Variants in IL7 observed in about 807,000 individuals in gnomAD.
IL7 encodes the protein interleukin 7, also known as interleukin-7.
IL7 carries 3 observed loss-of-function variants against 21.6 expected under a neutral mutation model. The ratio of observed to expected loss-of-function variants is 0.14; its 90% CI spans 0.06 to 0.36. The LOEUF is 0.36. IL7 is among the 10% of genes least tolerant of loss of function. The pLI is 1.00. For missense variants in IL7, 175 were observed against 200.2 expected, an observed-to-expected ratio of 0.87 and a Z score of 0.76; for synonymous variants, 62 against 68.1, an observed-to-expected ratio of 0.91 and a Z score of 0.44.
Position 78,694,049 on chromosome 8 carries a change from G to T in IL7, n.215-8102C>A, listed in dbSNP as rs947372399. 8.5e-5 allele frequency among the ~76,000 whole-genome samples: 13 copies of T among 152,260 alleles called. No homozygotes were observed. In the South Asian group the frequency reaches 2.7e-3, roughly 32 times the overall value. ...TCAAAGATCAGATAGTTGTAGATGT[G>T]TGACATTATTTCTGAGTGCTCAGTT... On this transcript the variant is annotated intron_variant and non_coding_transcript_variant, in intron 3 of 4. Transcript: ENST00000523959.
chr8:78,676,039 C>T, exon 5 of IL7: 1 of 438,294 alleles, frequency 2.3e-6, no homozygotes, highest in Middle Eastern at 5.3e-4. Flanking sequence ...TGCTTTCTTT[C>T]CTTCAGAGTT....
chr8:78,781,650 T>G (rs1488079586), intron 2 of IL7, among the ~76,000 whole-genome samples: 1 of 152,074 alleles, frequency 6.6e-6, no homozygotes, highest in African/African-American at 2.4e-5. Flanking sequence ...GCCCTTAATA[T>G]TTTTTTCCTT....
At chr8:78,718,656 TA>T (rs1481797933) in intron 6 of IL7, 4 of 151,914 alleles carry the variant, frequency 2.6e-5, no homozygotes, top group Non-Finnish European at 5.9e-5. Context: ...ATAATTGACT[TA>T]CCTAATTAAA....
chr8:78,727,346 C>T (rs767500409), intron 3 of IL7, among the ~76,000 whole-genome samples: 1 of 151,958 alleles, frequency 6.6e-6, no homozygotes, highest in Non-Finnish European at 1.5e-5. Flanking sequence ...ATTAGTTGCA[C>T]TTAGGAGAGT....
At chr8:78,778,682 C>A (rs893641147) in intron 2 of IL7, among the ~76,000 whole-genome samples, 5 of 152,048 alleles carry the variant, frequency 3.3e-5, no homozygotes, top group African/African-American at 1.2e-4. Flanking sequence ...TAGCATGGTG[C>A]CTCCAGCTTT....
intron 2 of IL7, among the ~76,000 whole-genome samples, chr8:78,773,226 G>A (rs886905102): frequency 6.6e-6 from 1 of 152,014 alleles, no homozygotes; most frequent in South Asian, 2.1e-4. Flanking sequence ...GGACCATGTC[G>A]ACATACCCAT....
At chr8:78,690,377 G>T (rs1423051071) in intron 3 of IL7, among the ~76,000 whole-genome samples, 1 of 152,058 alleles carries the variant, frequency 6.6e-6, no homozygotes, top group Admixed American at 6.6e-5. Context: ...TGGCTAACAC[G>T]GTGAAACCCC....
At chr8:78,689,508 A>G (rs1175465511) in intron 3 of IL7, 10 of 777,908 alleles carry the variant, frequency 1.3e-5, no homozygotes, top group Non-Finnish European at 1.3e-5. Context: ...TTATATATCT[A>G]TAAAAGTTGT....
At chr8:78,679,580 G>A (rs1809697598) in intron 4 of IL7, among the ~76,000 whole-genome samples, 1 of 152,136 alleles carries the variant, frequency 6.6e-6, no homozygotes, top group Admixed American at 6.5e-5. Context: ...CCCATGGGTA[G>A]TAAGGGCCAA....
chr8:78,715,217 A>C (rs779326116), downstream of IL7: 2 of 1,610,462 alleles, frequency 1.2e-6, no homozygotes. Flanking sequence ...CCTCTTTTTT[A>C]TAGAGCTAAT....
chr8:78,781,074 G>T (rs1037224696), intron 2 of IL7, among the ~76,000 whole-genome samples: 4 of 151,906 alleles, frequency 2.6e-5, no homozygotes, highest in African/African-American at 9.7e-5. Flanking sequence ...TTTTCCATTT[G>T]CTCGGTAGAT....
chr8:78,724,313 AT>A lies in IL7; in HGVS notation n.268-2874del, dbSNP rs146563965. Among the ~76,000 whole-genome samples, 147 of 152,192 alleles carry A rather than the reference AT, an allele frequency of 9.7e-4. 4 individuals carry two copies. In the East Asian group the frequency reaches 0.028, roughly 29 times the overall value. On this transcript the variant is annotated intron_variant and non_coding_transcript_variant, in intron 3 of 6. Transcript: ENST00000519833. ...CTAAATATTTAAGAGGTATGTTGCC[AT>A]GCTATTGTTGGGCTTGGGTGAATAT...
At chr8:78,736,895 A>G (rs765382671) in intron 4 of IL7, among the ~76,000 whole-genome samples, 21 of 152,122 alleles carry the variant, frequency 1.4e-4, no homozygotes, top group Non-Finnish European at 2.6e-4. Flanking sequence ...TCCTGGCCAT[A>G]CATTTTATTA....
At chr8:78,788,523 G>A (rs1813585240) in intron 2 of IL7, among the ~76,000 whole-genome samples, 1 of 151,880 alleles carries the variant, frequency 6.6e-6, no homozygotes, top group South Asian at 2.1e-4. Context: ...AAATATTTGG[G>A]AATTTTCCAC....
chr8:78,707,052 T>C (rs1810796772), intron 3 of IL7, among the ~76,000 whole-genome samples: 1 of 152,176 alleles, frequency 6.6e-6, no homozygotes, highest in Non-Finnish European at 1.5e-5. Context: ...TCTGATTTAT[T>C]TTCTTCTCCA....
intron 4 of IL7, among the ~76,000 whole-genome samples, chr8:78,685,205 G>C (rs906289342): frequency 3.3e-5 from 5 of 151,918 alleles, no homozygotes; most frequent in African/African-American, 9.6e-5. Context: ...ATTCTGTTGT[G>C]GGGGGACAGG....
intron 3 of IL7, among the ~76,000 whole-genome samples, chr8:78,722,195 CTCATGT>C (rs1811253643): frequency 6.6e-6 from 1 of 151,744 alleles, no homozygotes; most frequent in African/African-American, 2.4e-5. Context: ...TTCAGAGTTA[CTCATGT>C]TCATCTGCAA....
chr8:78,682,076 T>C (rs1422065009), intron 4 of IL7, among the ~76,000 whole-genome samples: 21 of 152,082 alleles, frequency 1.4e-4, no homozygotes, highest in Admixed American at 1.4e-3. Context: ...ACTTTGTGGA[T>C]TCAACACATA....
intron 3 of IL7, among the ~76,000 whole-genome samples, chr8:78,696,280 T>C (rs1036360654): frequency 7.2e-5 from 11 of 152,274 alleles, no homozygotes; most frequent in African/African-American, 2.6e-4. Context: ...GTGATCCACC[T>C]GCCTCGGCCT....
Sources: gnomAD v4.1 joint callset for allele counts (sites outside exome capture counted in the v4.1 genomes callset) on GRCh38, gnomAD v4.1.1 for gene constraint, MANE v1.5 for transcripts, NCBI Gene and HGNC (gene_info 2026-07-23, HGNC 2026-07-21) for gene names.